The following RAB5B variants were observed in gnomAD, a reference collection of about 807,000 sequenced individuals.
RAB5B encodes RAB5B, member RAS oncogene family.
A neutral mutation model predicts 28.6 loss-of-function variants in RAB5B; 11 were observed. The observed-to-expected ratio is 0.38, with a 90% CI of 0.24 to 0.64. The LOEUF is 0.64. RAB5B is among the 30% of genes least tolerant of loss of function. The pLI is 0.53. For missense variants in RAB5B, 169 were observed against 265.6 expected, an observed-to-expected ratio of 0.64 and a Z score of 2.53; for synonymous variants, 93 against 97.9, an observed-to-expected ratio of 0.95 and a Z score of 0.29.
intron 1 of RAB5B, among the ~76,000 whole-genome samples, chr12:55,978,343 A>T (rs1889702214): frequency 6.6e-6 from 1 of 152,112 alleles, no homozygotes; most frequent in Non-Finnish European, 1.5e-5. Flanking sequence ...ACTAAACAAA[A>T]TACAAAAAAT....
chr12:55,984,334 C>T (rs1889895392), intron 1 of RAB5B, among the ~76,000 whole-genome samples: 1 of 152,106 alleles, frequency 6.6e-6, no homozygotes, highest in South Asian at 2.1e-4. Context: ...GGACTACAGG[C>T]ACGCGCCACC....
rs746679638 is a variant in RAB5B at position 55,991,496 on chromosome 12, A to T, written c.532+43A>T. ...TGAGGTCCTCCTTTTTCCCTCGTTT[A>T]TAGGCAAAATTATAGCTAACCCAAA... On this transcript the variant is annotated intron_variant, in intron 5 of 5. Transcript: ENST00000360299. 3.9e-6 allele frequency: 6 copies of T among 1,521,184 alleles called. 1 individual carries two copies. The highest frequency in any genetic ancestry group is 2.2e-5 in the South Asian group (2 of 88,894). The allele number at this position is 1,521,184 out of a possible 1,614,324, so 94.2% of individuals were successfully genotyped here.
chr12:55,983,284 G>C (rs946373436), intron 1 of RAB5B, among the ~76,000 whole-genome samples: 2 of 152,248 alleles, frequency 1.3e-5, no homozygotes, highest in African/African-American at 4.8e-5. Flanking sequence ...TTCACTATAT[G>C]TTGGCCAGGC....
At position 55,994,826 on chromosome 12, in the gene RAB5B, C is replaced by T. The variant is rs1190368497; in HGVS notation, c.*2614C>T. ...CAGTAATGTTCTACTGAATCAGAAA[C>T]ACACCTTTCCCTGCATCTTGATACA... On this transcript the variant is annotated 3_prime_UTR_variant, in exon 6 of 6. Coordinates refer to ENST00000360299, the MANE Select transcript of RAB5B (RefSeq NM_002868.4). 5 of 152,036 alleles carry T rather than the reference C, an allele frequency of 3.3e-5. No homozygotes were observed. The highest frequency in any genetic ancestry group is 5.9e-5 in the Non-Finnish European group (4 of 68,006). 9.4% of individuals were successfully genotyped at this position (152,036 alleles called of 1,614,324 possible).
intron 1 of RAB5B, among the ~76,000 whole-genome samples, chr12:55,983,958 C>T (rs1210648366): frequency 1.3e-5 from 2 of 152,078 alleles, no homozygotes; most frequent in African/African-American, 4.8e-5. Flanking sequence ...CTCTGCCAGG[C>T]CTGTTTTTTC....
chr12:55,975,890 TACA>T (rs1889633821), intron 1 of RAB5B, among the ~76,000 whole-genome samples: 1 of 146,786 alleles, frequency 6.8e-6, no homozygotes, highest in African/African-American at 2.5e-5. Context: ...TAGCTGGGAC[TACA>T]GGCGTGCGCC....
At position 55,974,101 on chromosome 12, in the gene RAB5B, G is replaced by C. The variant is rs987005735; in HGVS notation, c.-131G>C. ...TTGAGCTGCAGCTGTTTGTCTGTTCGACACAGGCTTGGGGCCGACGGGGGA... is the reference window on the plus strand; with the variant it reads ...TTGAGCTGCAGCTGTTTGTCTGTTCCACACAGGCTTGGGGCCGACGGGGGA... On this transcript the variant is annotated 5_prime_UTR_variant, in exon 1 of 6. Coordinates refer to ENST00000360299, the MANE Select transcript of RAB5B (RefSeq NM_002868.4). The C allele has an allele frequency of 2.6e-5, 4 of 152,552 alleles. No individual in the cohort carries two copies. The highest frequency in any genetic ancestry group is 5.9e-5 in the Non-Finnish European group (4 of 68,240). The allele number at this position is 152,552 out of a possible 1,614,324, so 9.4% of individuals were successfully genotyped here.
chr12:55,975,842 C>T (rs1395693281), intron 1 of RAB5B, among the ~76,000 whole-genome samples: 3 of 146,302 alleles, frequency 2.1e-5, no homozygotes, highest in Non-Finnish European at 3.0e-5. Flanking sequence ...ACCTCCACCT[C>T]CCAGGTTCAA....
intron 2 of RAB5B, among the ~76,000 whole-genome samples, chr12:55,988,010 G>A (rs1170842441): frequency 2.0e-5 from 3 of 152,024 alleles, no homozygotes; most frequent in Non-Finnish European, 4.4e-5. Flanking sequence ...TTAGCTGGGC[G>A]TGGTGGCACA....
chr12:55,975,161 T>C (rs1889610814), intron 1 of RAB5B, among the ~76,000 whole-genome samples: 1 of 152,212 alleles, frequency 6.6e-6, no homozygotes, highest in African/African-American at 2.4e-5. Context: ...TATTTCATTA[T>C]CTACATGGGA....
chr12:55,987,925 T>C (rs1889999736), intron 2 of RAB5B, among the ~76,000 whole-genome samples: 1 of 150,558 alleles, frequency 6.6e-6, no homozygotes, highest in Non-Finnish European at 1.5e-5. Context: ...GGCAGGCGGA[T>C]CACTTGAGGC....
At chr12:55,983,193 C>T (rs1889856631) in intron 1 of RAB5B, among the ~76,000 whole-genome samples, 1 of 152,120 alleles carries the variant, frequency 6.6e-6, no homozygotes, top group Admixed American at 6.5e-5. Flanking sequence ...ATTCTCCTGC[C>T]TCAGCTTCCC....
In RAB5B at chr12:55,995,997, A is replaced by ATTTTTT. The variant is rs1432681953; in HGVS notation, c.*3786_*3787insTTTTTT. 1.0e-5 allele frequency: 1 copy of ATTTTTT among 100,472 alleles called. No individual in the cohort carries two copies. The highest frequency in any genetic ancestry group is 5.2e-5 in the African/African-American group (1 of 19,268). The allele number at this position is 100,472 out of a possible 1,614,324, so 6.2% of individuals were successfully genotyped here. On this transcript the variant is annotated 3_prime_UTR_variant, in exon 6 of 6. Coordinates refer to ENST00000360299, the MANE Select transcript of RAB5B (RefSeq NM_002868.4). Reference sequence around the variant, plus strand: ...CATATATATATACATATATATATATATATATATTTTTTTTTTAACAACTGG... The same window carrying ATTTTTT: ...CATATATATATACATATATATATATATTTTTTTATATATTTTTTTTTTAACAACTGG...
chr12:55,990,363 G>A (rs376648110), intron 3 of RAB5B: 8 of 468,818 alleles, frequency 1.7e-5, no homozygotes, highest in East Asian at 1.7e-4. Flanking sequence ...AGCCGAGATC[G>A]AGCCACTGCA....
In RAB5B at chr12:55,996,352, A is replaced by C. The variant is rs1890307844; in HGVS notation, c.*4140A>C. ...CCAGATTGGGGGACTAGGTTTGATAAATTTTGTCCTGCATCAAATGACAAA... is the reference window on the plus strand; with the variant it reads ...CCAGATTGGGGGACTAGGTTTGATACATTTTGTCCTGCATCAAATGACAAA... On this transcript the variant is annotated 3_prime_UTR_variant, in exon 6 of 6. Coordinates refer to ENST00000360299, the MANE Select transcript of RAB5B (RefSeq NM_002868.4). 6.6e-6 allele frequency: 1 copy of C among 152,180 alleles called. No homozygotes were observed. Among genetic ancestry groups the C allele is most frequent in the Non-Finnish European group, 1.5e-5 (1 of 68,046 alleles). 9.4% of individuals were successfully genotyped at this position (152,180 alleles called of 1,614,324 possible).
In RAB5B at chr12:55,996,003, A is replaced by ATATAGATATATTTTTT; in HGVS notation, c.*3792_*3793insATAGATATATTTTTTT. 1.0e-5 allele frequency: 1 copy of ATATAGATATATTTTTT among 97,434 alleles called. No individual in the cohort carries two copies. Among genetic ancestry groups the ATATAGATATATTTTTT allele is most frequent in the Non-Finnish European group, 2.0e-5 (1 of 50,494 alleles). 6.0% of individuals were successfully genotyped at this position (97,434 alleles called of 1,614,324 possible). ...TATATACATATATATATATATATAT[A>ATATAGATATATTTTTT]TTTTTTTTTTAACAACTGGTAGGAT... On this transcript the variant is annotated 3_prime_UTR_variant, in exon 6 of 6. Transcript: ENST00000360299.
chr12:55,987,487 T>C (rs765608332), intron 2 of RAB5B, among the ~76,000 whole-genome samples: 16 of 151,946 alleles, frequency 1.1e-4, no homozygotes, highest in East Asian at 7.8e-4. Flanking sequence ...AAAAGAGATA[T>C]AAGACCTGAT....
At chr12:55,975,411 G>GA (rs1205047854) in intron 1 of RAB5B, among the ~76,000 whole-genome samples, 5 of 152,150 alleles carry the variant, frequency 3.3e-5, no homozygotes, top group African/African-American at 7.2e-5. Context: ...TGTGCTGTTA[G>GA]AAAGTTGGGT....
intron 1 of RAB5B, among the ~76,000 whole-genome samples, chr12:55,978,477 C>T (rs1328131964): frequency 1.3e-5 from 2 of 151,636 alleles, no homozygotes; most frequent in African/African-American, 4.9e-5. Flanking sequence ...GCACTCCAGC[C>T]TGGGCGACTG....
Sources: gnomAD v4.1 joint callset for allele counts (sites outside exome capture counted in the v4.1 genomes callset) on GRCh38, gnomAD v4.1.1 for gene constraint, MANE v1.5 for transcripts, NCBI Gene and HGNC (gene_info 2026-07-23, HGNC 2026-07-21) for gene names.